ZDHHC20: variants seen among roughly 807,000 people sequenced by gnomAD.
ZDHHC20 encodes zDHHC palmitoyltransferase 20, also known as palmitoyltransferase ZDHHC20.
In ZDHHC20, 43 loss-of-function variants were observed where a neutral mutation model predicts 57.8. That is an observed-to-expected ratio of 0.74 (90% CI 0.58 to 0.96). The LOEUF (loss-of-function observed/expected upper bound fraction) is 0.96, where lower values mean the gene tolerates loss of function less well. ZDHHC20 is among the 40% of genes least tolerant of loss of function. ZDHHC20 has a pLI of 0.00. For synonymous variants in ZDHHC20, 157 were observed against 153.0 expected (o/e 1.03, Z -0.19); for missense variants, 391 against 441.1 (o/e 0.89, Z 1.02).
At chr13:21,434,008 T>C (rs146915214) in intron 1 of ZDHHC20, among the ~76,000 whole-genome samples, 99 of 152,322 alleles carry the variant, frequency 6.5e-4, no homozygotes, top group Non-Finnish European at 1.2e-3. Context: ...TCGGTTCTAG[T>C]AGCTTGTTTG....
chr13:21,377,350 GC>G, intron 12 of ZDHHC20: 1 of 166,092 alleles, frequency 6.0e-6, no homozygotes, highest in Non-Finnish European at 1.2e-5. Context: ...CCTAGTGCCT[GC>G]GATCTGACTC....
intron 8 of ZDHHC20, chr13:21,390,295 C>T (rs1391846333): frequency 1.3e-5 from 2 of 152,182 alleles, no homozygotes; most frequent in Non-Finnish European, 2.9e-5. Context: ...TTAGCAGATA[C>T]ATGAATATTT....
At chr13:21,395,895 G>A (rs536830465) in intron 7 of ZDHHC20, among the ~76,000 whole-genome samples, 3 of 152,246 alleles carry the variant, frequency 2.0e-5, no homozygotes, top group African/African-American at 4.8e-5. Context: ...CAGTTCTTAA[G>A]AGACAGCAAA....
chr13:21,452,103 T>A (rs1400100217), intron 1 of ZDHHC20, among the ~76,000 whole-genome samples: 2 of 152,184 alleles, frequency 1.3e-5, no homozygotes, highest in Non-Finnish European at 2.9e-5. Context: ...CCAATTTTAG[T>A]ATATGTGTTG....
intron 3 of ZDHHC20, among the ~76,000 whole-genome samples, chr13:21,419,042 T>C (rs1305916016): frequency 6.6e-6 from 1 of 152,210 alleles, no homozygotes; most frequent in Non-Finnish European, 1.5e-5. Flanking sequence ...CTTATTCTAT[T>C]TCTTATTTCC....
chr13:21,410,932 T>A (rs1336497317), intron 4 of ZDHHC20, among the ~76,000 whole-genome samples: 1 of 152,158 alleles, frequency 6.6e-6, no homozygotes, highest in African/African-American at 2.4e-5. Flanking sequence ...TGCAGCTAGC[T>A]CAGTGTCTGC....
chr13:21,402,809 G>A lies in ZDHHC20; in HGVS notation c.428C>T (p.Ser143Leu). The change falls in exon 5 of 13, where the codon TCA (serine) becomes TTA (leucine). Residue 143 changes from serine (S) to leucine (L), a missense_variant. Coordinates refer to ENST00000400590, the MANE Select transcript of ZDHHC20 (RefSeq NM_001330059.2). ...LIKPDRAHHC[S>L]ACDSCILKMD... The stretch of plus-strand genomic sequence containing the variant: ...GAGTAACACTTACGAGTCACAGGCT[G>A]AGCAGTGATGCGCCCGATCAGGTTT... 1 of 1,597,948 alleles carries A rather than the reference G, an allele frequency of 6.3e-7. No homozygotes were observed. The highest frequency in any genetic ancestry group is 8.5e-7 in the Non-Finnish European group (1 of 1,171,880).
intron 3 of ZDHHC20, among the ~76,000 whole-genome samples, chr13:21,418,430 T>C (rs1880260246): frequency 6.6e-6 from 1 of 152,214 alleles, no homozygotes; most frequent in Non-Finnish European, 1.5e-5. Context: ...GTGCTAAGCA[T>C]TCTTCTGAGC....
chr13:21,458,103 A>T (rs1242068160), intron 1 of ZDHHC20, among the ~76,000 whole-genome samples: 1 of 152,260 alleles, frequency 6.6e-6, no homozygotes, highest in Admixed American at 6.5e-5. Context: ...AGACAAAACA[A>T]TGTTGGAGAA....
At chr13:21,454,789 C>G (rs1000237448) in intron 1 of ZDHHC20, among the ~76,000 whole-genome samples, 16 of 152,112 alleles carry the variant, frequency 1.1e-4, no homozygotes, top group African/African-American at 3.9e-4. Flanking sequence ...AGAAGTTATG[C>G]AGGAGACACA....
Position 21,378,654 on chromosome 13 carries a change from G to C in ZDHHC20, c.*40+7C>G, listed in dbSNP as rs1872673603. 1 of 1,389,252 alleles carries C rather than the reference G, an allele frequency of 7.2e-7. No homozygotes were observed. Among genetic ancestry groups the C allele is most frequent in the Non-Finnish European group, 9.5e-7 (1 of 1,053,824 alleles). 86.1% of individuals were successfully genotyped at this position (1,389,252 alleles called of 1,614,324 possible). ...TTTATTCAAGGATTACCTTTATACT[G>C]TCTTACCTTGCTCTTATTCAAATGG... On this transcript the variant is annotated splice_region_variant and intron_variant, in intron 12 of 12. Transcript: ENST00000400590.
intron 9 of ZDHHC20, among the ~76,000 whole-genome samples, chr13:21,384,653 C>G (rs2137670191): frequency 6.6e-6 from 1 of 152,236 alleles, no homozygotes; most frequent in South Asian, 2.1e-4. Flanking sequence ...ATGAATAATT[C>G]ACAGAGCTTT....
intron 3 of ZDHHC20, among the ~76,000 whole-genome samples, chr13:21,420,012 G>A (rs1393107794): frequency 1.3e-5 from 2 of 152,168 alleles, no homozygotes; most frequent in Non-Finnish European, 2.9e-5. Context: ...TAGGCCGGGC[G>A]TAAATGGCTC....
chr13:21,378,238 G>T (rs1037657805), intron 12 of ZDHHC20, among the ~76,000 whole-genome samples: 10 of 151,876 alleles, frequency 6.6e-5, no homozygotes, highest in African/African-American at 2.2e-4. Context: ...TCGAGATGAG[G>T]TCTCACTATA....
intron 9 of ZDHHC20, among the ~76,000 whole-genome samples, chr13:21,383,664 A>C (rs1447593609): frequency 6.6e-6 from 1 of 152,220 alleles, no homozygotes; most frequent in Non-Finnish European, 1.5e-5. Context: ...TGCTTATCAT[A>C]ATCATTCAGG....
intron 7 of ZDHHC20, among the ~76,000 whole-genome samples, chr13:21,395,263 T>C (rs865781709): frequency 6.6e-6 from 1 of 151,782 alleles, no homozygotes; most frequent in African/African-American, 2.4e-5. Context: ...ATACGGGGTT[T>C]CACCATGTTA....
chr13:21,439,083 G>A (rs766393576), intron 1 of ZDHHC20, among the ~76,000 whole-genome samples: 4 of 152,098 alleles, frequency 2.6e-5, no homozygotes, highest in Non-Finnish European at 4.4e-5. Flanking sequence ...GCTTTATTTT[G>A]ATATTTGCTT....
rs182058588 is a variant in ZDHHC20 at position 21,383,466 on chromosome 13, A to G, written c.855-457T>C. On this transcript the variant is annotated intron_variant, in intron 9 of 12. Coordinates refer to ENST00000400590, the MANE Select transcript of ZDHHC20 (RefSeq NM_001330059.2). ...AGTCAATTAAACATCTTTCCTTTAT[A>G]AATTACCCAGTTTCGGGTATGTCTT... Among the ~76,000 whole-genome samples, 189 of 152,122 alleles carry G rather than the reference A, an allele frequency of 1.2e-3. 2 individuals are homozygous for G. The highest frequency in any genetic ancestry group is 1.6e-3 in the Non-Finnish European group (112 of 68,020).
intron 3 of ZDHHC20, among the ~76,000 whole-genome samples, chr13:21,415,702 T>A (rs755414506): frequency 1.3e-5 from 2 of 152,216 alleles, no homozygotes; most frequent in Non-Finnish European, 2.9e-5. Context: ...CCTGACATGA[T>A]GTGTCTCTTA....
Sources: gnomAD v4.1 joint callset for allele counts (sites outside exome capture counted in the v4.1 genomes callset) on GRCh38, gnomAD v4.1.1 for gene constraint, MANE v1.5 for transcripts, NCBI Gene and HGNC (gene_info 2026-07-23, HGNC 2026-07-21) for gene names.